DGKI: variants seen among roughly 807,000 people sequenced by gnomAD.
DGKI encodes the protein diacylglycerol kinase iota, also known as DAG kinase iota.
A neutral mutation model predicts 147.5 loss-of-function variants in DGKI; 55 were observed. The ratio of observed to expected loss-of-function variants is 0.37; its 90% confidence interval spans 0.30 to 0.47. DGKI has a LOEUF of 0.47. Ranked by LOEUF, DGKI falls within the 20% of genes least tolerant of loss-of-function variation. The pLI is 1.00. For synonymous variants in DGKI, 469 were observed against 477.1 expected, an observed-to-expected ratio of 0.98 and a Z score of 0.22; for missense variants, 1,007 against 1,323.8, an observed-to-expected ratio of 0.76 and a Z score of 3.71.
chr7:137,412,933 A>T (rs1812217028), intron 28 of DGKI, among the ~76,000 whole-genome samples: 1 of 152,094 alleles, frequency 6.6e-6, no homozygotes. Flanking sequence ...GGAAAAAAAA[A>T]TATACGTGTC....
At chr7:137,677,801 CTTCTT>C (rs1007857694) in intron 3 of DGKI, among the ~76,000 whole-genome samples, 1 of 152,164 alleles carries the variant, frequency 6.6e-6, no homozygotes, top group Admixed American at 6.5e-5. Context: ...TCTTTTATCT[CTTCTT>C]TACTATCCTA....
chr7:137,531,843 C>A (rs1817349555), intron 20 of DGKI, among the ~76,000 whole-genome samples: 1 of 151,972 alleles, frequency 6.6e-6, no homozygotes, highest in African/African-American at 2.4e-5. Flanking sequence ...TCTTTCATAC[C>A]AACCATGAAG....
At chr7:137,495,329 G>A (rs773205463) in intron 21 of DGKI, among the ~76,000 whole-genome samples, 1 of 150,714 alleles carries the variant, frequency 6.6e-6, no homozygotes, top group Admixed American at 6.6e-5. Context: ...AAAGCCCAGG[G>A]CTAGACAAAT....
chr7:137,792,927 A>G (rs1390599625), intron 1 of DGKI, among the ~76,000 whole-genome samples: 1 of 152,226 alleles, frequency 6.6e-6, no homozygotes, highest in Non-Finnish European at 1.5e-5. Flanking sequence ...TTTTCATTTT[A>G]AATTACCCAG....
At chr7:137,530,999 A>T (rs1817319446) in intron 20 of DGKI, among the ~76,000 whole-genome samples, 1 of 152,170 alleles carries the variant, frequency 6.6e-6, no homozygotes, top group African/African-American at 2.4e-5. Flanking sequence ...GCAACTAGAG[A>T]TGACAACCTT....
At chr7:137,448,809 A>G (rs1029212363) in intron 27 of DGKI, among the ~76,000 whole-genome samples, 3 of 152,182 alleles carry the variant, frequency 2.0e-5, no homozygotes, top group Admixed American at 6.5e-5. Flanking sequence ...AAAATGATCA[A>G]GAAATAGTTA....
At chr7:137,517,279 AAAAG>A (rs3051933) in intron 21 of DGKI, among the ~76,000 whole-genome samples, 11,349 of 79,190 alleles carry the variant, frequency 0.14, 880 homozygotes, top group Non-Finnish European at 0.15. Context: ...AAAGAAAAGA[AAAAG>A]AAAGAAAGAA....
chr7:137,625,109 C>T (rs1373076240), intron 6 of DGKI, among the ~76,000 whole-genome samples: 4 of 152,178 alleles, frequency 2.6e-5, no homozygotes, highest in East Asian at 1.9e-4. Flanking sequence ...AAAACCTAAG[C>T]GGTATTTTCA....
At position 137,801,736 on chromosome 7, in the gene DGKI, G is replaced by C. The variant is rs570694782; in HGVS notation, c.401+44726C>G. Among the ~76,000 whole-genome samples, 7 of 152,252 alleles carry C rather than the reference G, an allele frequency of 4.6e-5. No homozygotes were observed. In the East Asian group the frequency reaches 7.7e-4, roughly 17 times the overall value. ...ATATGCACAGGCTTGCACCCACTGG[G>C]GGTGAGAGCTGGGGAGAGAGGATTA... is the stretch of plus-strand genomic sequence containing the variant. On this transcript the variant is annotated intron_variant, in intron 1 of 32. Coordinates refer to ENST00000614521, the MANE Select transcript of DGKI (RefSeq NM_001321708.2).
intron 27 of DGKI, among the ~76,000 whole-genome samples, chr7:137,449,228 C>T (rs1341679626): frequency 1.3e-5 from 2 of 152,148 alleles, no homozygotes; most frequent in Non-Finnish European, 2.9e-5. Context: ...CACTACCTAA[C>T]CTCAAAATAT....
At chr7:137,715,499 G>A (rs375370765) in intron 1 of DGKI, among the ~76,000 whole-genome samples, 58 of 152,312 alleles carry the variant, frequency 3.8e-4, no homozygotes, top group African/African-American at 1.4e-3. Context: ...TATTTTGAAA[G>A]TCTCTTAAAG....
chr7:137,614,879 G>C (rs937900564), intron 8 of DGKI, among the ~76,000 whole-genome samples: 1 of 152,066 alleles, frequency 6.6e-6, no homozygotes, highest in East Asian at 1.9e-4. Flanking sequence ...CCCAAATAAA[G>C]CTGACTTTAT....
At position 137,590,428 on chromosome 7, in the gene DGKI, C is replaced by T. The variant is rs73453589; in HGVS notation, c.1312-3218G>A. Among the ~76,000 whole-genome samples, 956 of 152,348 alleles carry T rather than the reference C, an allele frequency of 6.3e-3. 7 individuals carry two copies. Among genetic ancestry groups the T allele is most frequent in the African/African-American group, 0.022 (905 of 41,590 alleles). ...AGCCATAGGAATCTATAGAAAAACC[C>T]AGCTCTCATCTGAAAGTCCTGAAAA... On this transcript the variant is annotated intron_variant, in intron 12 of 32. Coordinates refer to ENST00000614521, the MANE Select transcript of DGKI (RefSeq NM_001321708.2).
chr7:137,641,950 A>G (rs1003352691), intron 6 of DGKI, among the ~76,000 whole-genome samples: 8 of 152,240 alleles, frequency 5.3e-5, no homozygotes, highest in African/African-American at 1.9e-4. Flanking sequence ...TATTTTTTGA[A>G]TATAGATTTT....
chr7:137,403,361 G>A (rs555455822), intron 30 of DGKI, among the ~76,000 whole-genome samples: 7 of 152,258 alleles, frequency 4.6e-5, no homozygotes, highest in African/African-American at 9.6e-5. Flanking sequence ...AGAACATACC[G>A]CAGATCTCAT....
chr7:137,757,184 A>G (rs1795713899), intron 1 of DGKI, among the ~76,000 whole-genome samples: 1 of 151,638 alleles, frequency 6.6e-6, no homozygotes. Flanking sequence ...CACTTCTTAA[A>G]CCTGGGTCAT....
chr7:137,709,689 G>A (rs1585395647), intron 1 of DGKI, among the ~76,000 whole-genome samples: 1 of 151,954 alleles, frequency 6.6e-6, no homozygotes, highest in East Asian at 1.9e-4. Flanking sequence ...AAAGTACCAA[G>A]ACACATGAAA....
chr7:137,810,774 A>G (rs2116998440), intron 1 of DGKI, among the ~76,000 whole-genome samples: 1 of 152,252 alleles, frequency 6.6e-6, no homozygotes, highest in African/African-American at 2.4e-5. Flanking sequence ...ATTTGTGGCA[A>G]ATAAACATTC....
intron 28 of DGKI, among the ~76,000 whole-genome samples, chr7:137,416,647 C>T (rs191235657): frequency 6.6e-6 from 1 of 152,260 alleles, no homozygotes; most frequent in African/African-American, 2.4e-5. Flanking sequence ...TGTCCTTAAG[C>T]ATGTCAGTGT....
Sources: gnomAD v4.1 joint callset for allele counts (sites outside exome capture counted in the v4.1 genomes callset) on GRCh38, gnomAD v4.1.1 for gene constraint, MANE v1.5 for transcripts, NCBI Gene and HGNC (gene_info 2026-07-23, HGNC 2026-07-21) for gene names.